Variants in LRRIQ1 observed in about 807,000 individuals in gnomAD.
LRRIQ1 encodes leucine rich repeats and IQ motif containing 1, also known as leucine-rich repeat- and IQ domain-containing protein 1.
LRRIQ1 carries 210 observed loss-of-function variants against 211.9 expected under a neutral mutation model. The observed-to-expected ratio is 0.99, with a 90% confidence interval of 0.89 to 1.11. The LOEUF is 1.11. Among genes scored for constraint, LRRIQ1 ranks in the 50% most tolerant of loss-of-function variants. The probability of loss-of-function intolerance (pLI) is 0.00; values close to 1 mark genes in which losing one functional copy is unlikely to be tolerated. For synonymous variants in LRRIQ1, 699 were observed against 650.1 expected, an observed-to-expected ratio of 1.08 and a Z score of -1.14; for missense variants, 2,136 against 1,939.5, an observed-to-expected ratio of 1.10 and a Z score of -1.90.
At chr12:85,200,600 A>G (rs908613024) in intron 24 of LRRIQ1, among the ~76,000 whole-genome samples, 13 of 152,128 alleles carry the variant, frequency 8.5e-5, no homozygotes, top group African/African-American at 2.4e-4. Context: ...TGGGTTTGTC[A>G]TAGGTGGCTC....
chr12:85,132,580 C>A (rs778338096), intron 18 of LRRIQ1, among the ~76,000 whole-genome samples: 67 of 151,950 alleles, frequency 4.4e-4, no homozygotes, highest in Non-Finnish European at 1.5e-4. Context: ...CCAGCCTGGG[C>A]AACATGGCAA....
intron 24 of LRRIQ1, among the ~76,000 whole-genome samples, chr12:85,204,097 TTGTCCCA>T (rs1565902305): frequency 6.6e-6 from 1 of 152,184 alleles, no homozygotes; most frequent in African/African-American, 2.4e-5. Context: ...AGCTGCTTCA[TTGTCCCA>T]TGGCTAAAAG....
At chr12:85,238,663 T>C (rs1895312251) in intron 26 of LRRIQ1, among the ~76,000 whole-genome samples, 2 of 152,106 alleles carry the variant, frequency 1.3e-5, no homozygotes. Context: ...TATCTCAATA[T>C]ATGCAGAAAA....
intron 1 of LRRIQ1, among the ~76,000 whole-genome samples, 155 bp downstream of exon 1, chr12:85,036,562 G>A (rs1007351648): frequency 3.3e-5 from 5 of 152,088 alleles, no homozygotes; most frequent in African/African-American, 1.2e-4. Context: ...GAAGCTCGAG[G>A]CTCCCTTCCA....
chr12:85,115,042 A>G (rs1346875523), intron 15 of LRRIQ1, among the ~76,000 whole-genome samples: 1 of 152,206 alleles, frequency 6.6e-6, no homozygotes, highest in Non-Finnish European at 1.5e-5. Context: ...AACTTAATCC[A>G]TAGACTCAGT....
intron 11 of LRRIQ1, among the ~76,000 whole-genome samples, chr12:85,096,825 T>C (rs1565828442): frequency 6.6e-6 from 1 of 152,216 alleles, no homozygotes; most frequent in Non-Finnish European, 1.5e-5. Context: ...ACTCTTTTTA[T>C]TAATTTAGGA....
intron 11 of LRRIQ1, among the ~76,000 whole-genome samples, chr12:85,073,433 A>G (rs191919524): frequency 6.6e-6 from 1 of 152,140 alleles, no homozygotes; most frequent in Non-Finnish European, 1.5e-5. Flanking sequence ...TTGTTGTTGG[A>G]GTGAAGGCAA....
At chr12:85,139,282 C>T (rs1325590184) in intron 19 of LRRIQ1, among the ~76,000 whole-genome samples, 1 of 151,468 alleles carries the variant, frequency 6.6e-6, no homozygotes, top group East Asian at 1.9e-4. Flanking sequence ...CAACTGTAGA[C>T]ATTCTGTTAC....
chr12:85,186,355 C>A (rs1040039655), intron 24 of LRRIQ1, among the ~76,000 whole-genome samples: 2 of 152,116 alleles, frequency 1.3e-5, no homozygotes, highest in African/African-American at 2.4e-5. Context: ...TTGCTGCAAG[C>A]CTTGACCTCA....
chr12:85,145,943 G>T (rs1362043217), intron 19 of LRRIQ1, among the ~76,000 whole-genome samples: 1 of 151,700 alleles, frequency 6.6e-6, no homozygotes, highest in Non-Finnish European at 1.5e-5. Context: ...TTTTACATGA[G>T]AAATTTTCTA....
chr12:85,157,899 G>A (rs1157748866), intron 23 of LRRIQ1, among the ~76,000 whole-genome samples: 1 of 151,808 alleles, frequency 6.6e-6, no homozygotes, highest in Non-Finnish European at 1.5e-5. Context: ...TTTATGTCAA[G>A]TAAACAACTC....
chr12:85,137,759 G>T (rs1456681562), intron 18 of LRRIQ1, 91 bp from the exon 19 acceptor site: 3 of 1,063,088 alleles, frequency 2.8e-6, no homozygotes, highest in East Asian at 5.6e-5. Context: ...TTAGGTCTAA[G>T]ATGTTTTATC....
intron 24 of LRRIQ1, among the ~76,000 whole-genome samples, chr12:85,183,263 G>A (rs1275540275): frequency 6.6e-6 from 1 of 152,022 alleles, no homozygotes; most frequent in Non-Finnish European, 1.5e-5. Flanking sequence ...TGGAACGTGA[G>A]TTATTTAAGC....
intron 6 of LRRIQ1, among the ~76,000 whole-genome samples, chr12:85,051,502 A>G (rs1276815333): frequency 1.3e-5 from 2 of 152,300 alleles, no homozygotes; most frequent in South Asian, 4.1e-4. Flanking sequence ...AAAATGCTTA[A>G]TAAGTGCCAA....
At chr12:85,113,482 GT>G (rs1461134769) in intron 15 of LRRIQ1, among the ~76,000 whole-genome samples, 34 of 152,044 alleles carry the variant, frequency 2.2e-4, no homozygotes, top group Admixed American at 1.1e-3. Flanking sequence ...AAAAAATTTT[GT>G]TTATTGTTTT....
intron 11 of LRRIQ1, among the ~76,000 whole-genome samples, chr12:85,096,794 T>A (rs1421912175): frequency 6.6e-6 from 1 of 152,178 alleles, no homozygotes; most frequent in Non-Finnish European, 1.5e-5. Flanking sequence ...TGTGGCTAAG[T>A]CTTTTTGTAG....
At chr12:85,052,874 A>G (rs1359541730) in intron 7 of LRRIQ1, among the ~76,000 whole-genome samples, 1 of 152,152 alleles carries the variant, frequency 6.6e-6, no homozygotes, top group Admixed American at 6.5e-5. Context: ...AAAAAAAGAC[A>G]ATAATAGCTC....
At chr12:85,141,687 G>T (rs1347518303) in intron 19 of LRRIQ1, among the ~76,000 whole-genome samples, 2 of 148,784 alleles carry the variant, frequency 1.3e-5, no homozygotes, top group African/African-American at 5.0e-5. Context: ...ACTGCATATA[G>T]TTGGGTTCTG....
chr12:85,046,896 G>T (rs1879655860), intron 5 of LRRIQ1, among the ~76,000 whole-genome samples: 1 of 151,326 alleles, frequency 6.6e-6, no homozygotes, highest in Non-Finnish European at 1.5e-5. Context: ...GCAAACTATT[G>T]CAAGGACAAA....
Sources: allele counts gnomAD v4.1 joint callset (sites outside exome capture counted in the v4.1 genomes callset), GRCh38; gene constraint gnomAD v4.1.1; transcripts MANE v1.5; gene names NCBI Gene and HGNC (gene_info 2026-07-23, HGNC 2026-07-21).